Variants in COL3A1 observed in about 807,000 individuals in gnomAD.
The protein encoded by COL3A1 is collagen alpha-1(III) chain.
Under a neutral mutation model 200.9 loss-of-function variants are expected in COL3A1, and 46 were observed. That is an observed-to-expected ratio of 0.23 (90% confidence interval 0.18 to 0.29). COL3A1 has a LOEUF of 0.29. Ranked by LOEUF, COL3A1 falls within the 10% of genes least tolerant of loss-of-function variation. The pLI is 1.00. For synonymous variants in COL3A1, 650 were observed against 628.0 expected, an observed-to-expected ratio of 1.03 and a Z score of -0.52; for missense variants, 1,367 against 1,917.6, an observed-to-expected ratio of 0.71 and a Z score of 5.36.
chr2:189,010,452 A>G, intron 49 of COL3A1, 87 bp downstream of exon 49: 1 of 1,541,634 alleles, frequency 6.5e-7, no homozygotes, highest in Admixed American at 1.7e-5. Flanking sequence ...CAAAGTTACT[A>G]GGTTGGTACA....
intron 10 of COL3A1, 66 bp downstream of exon 10, chr2:188,990,426 T>G: frequency 8.0e-7 from 1 of 1,256,790 alleles, no homozygotes; most frequent in South Asian, 1.2e-5. Context: ...CCTAACCAAT[T>G]TTACTGGACA....
chr2:189,010,091 T>G (rs1688686953), intron 48 of COL3A1, 87 bp from the exon 49 acceptor site: 1 of 1,292,012 alleles, frequency 7.7e-7, no homozygotes, highest in Admixed American at 1.7e-5. Context: ...GCAGTCAACA[T>G]TATGAATGCC....
chr2:188,995,672 A>G lies in COL3A1; in HGVS notation c.1510-20A>G. On this transcript the variant is annotated intron_variant, in intron 21 of 50. Transcript: ENST00000304636. ...AGTGAAGGCTATTTTAATTTTTTTA[A>G]AATTTCTTTCACTACTTAGGGTCCT... 6.5e-7 allele frequency: 1 copy of G among 1,533,458 alleles called. No individual in the cohort carries two copies. Among genetic ancestry groups the G allele is most frequent in the Non-Finnish European group, 8.8e-7 (1 of 1,131,768 alleles). 95.0% of individuals were successfully genotyped at this position (1,533,458 alleles called of 1,614,324 possible).
At chr2:188,984,437 C>T (rs982396991) in intron 1 of COL3A1, among the ~76,000 whole-genome samples, 2 of 151,916 alleles carry the variant, frequency 1.3e-5, no homozygotes, top group African/African-American at 4.8e-5. Flanking sequence ...TTCAATGTTC[C>T]TTTAATAAAT....
At position 188,977,153 on chromosome 2, in the gene COL3A1, C is replaced by G. The variant is rs899175416; in HGVS notation, c.79+2585C>G. 5.3e-5 allele frequency among the ~76,000 whole-genome samples: 8 copies of G among 152,082 alleles called. 1 individual carries two copies. The highest frequency in any genetic ancestry group is 4.6e-4 in the Admixed American group (7 of 15,266). On this transcript the variant is annotated intron_variant, in intron 1 of 50. Coordinates refer to ENST00000304636, the MANE Select transcript of COL3A1 (RefSeq NM_000090.4). ...TATTGTTTAAATACATTTTTCATGT[C>G]TCTGATGTAGTCCTTATTTGACATA...
At chr2:188,983,475 C>T (rs572762281) in intron 1 of COL3A1, among the ~76,000 whole-genome samples, 49 of 151,986 alleles carry the variant, frequency 3.2e-4, no homozygotes, top group South Asian at 1.2e-3. Flanking sequence ...AACATTTCAA[C>T]TCATTTAAAC....
intron 41 of COL3A1, 34 bp downstream of exon 41, chr2:189,005,491 G>A (rs1688565822): frequency 6.4e-7 from 1 of 1,557,016 alleles, no homozygotes. Context: ...CAGCCAGGTA[G>A]AATTTGATAA....
intron 29 of COL3A1, 136 bp from the exon 30 acceptor site, chr2:188,999,149 T>G (rs1257003441): frequency 1.2e-6 from 1 of 858,102 alleles, no homozygotes; most frequent in Middle Eastern, 3.4e-4. Context: ...GCTGTTCAAC[T>G]ATTTTTAAGT....
At chr2:188,977,998 C>A in intron 1 of COL3A1, 2 of 348,460 alleles carry the variant, frequency 5.7e-6, no homozygotes, top group Non-Finnish European at 1.1e-5. Context: ...ATCCATGATA[C>A]CTTGTATTTA....
At chr2:189,000,238 C>T (rs1688426773) in intron 32 of COL3A1, among the ~76,000 whole-genome samples, 1 of 152,116 alleles carries the variant, frequency 6.6e-6, no homozygotes, top group South Asian at 2.1e-4. Context: ...GTAAGTACTC[C>T]TCATTAATAG....
intron 25 of COL3A1, 50 bp from the exon 26 acceptor site, chr2:188,997,284 TTC>T (rs1688349083): frequency 1.9e-6 from 3 of 1,612,804 alleles, no homozygotes; most frequent in African/African-American, 1.3e-5. Flanking sequence ...ACCTTCTGAC[TTC>T]TCTCTGTAAT....
At chr2:188,985,534 G>C (rs948352129) in intron 3 of COL3A1, 131 bp from the exon 4 acceptor site, 2 of 683,486 alleles carry the variant, frequency 2.9e-6, no homozygotes. Flanking sequence ...TGATTAAAAA[G>C]TATGTGTTAT....
rs766242305 is a variant in COL3A1, at chr2:189,011,617, C to A, written c.4255-11C>A. The A allele has an allele frequency of 3.7e-6, 6 of 1,613,728 alleles. No homozygotes were observed. Among genetic ancestry groups the A allele is most frequent in the Non-Finnish European group, 5.1e-6 (6 of 1,179,782 alleles). On this transcript the variant is annotated splice_polypyrimidine_tract_variant and intron_variant, in intron 50 of 50. Transcript: ENST00000304636. ...ATGTCATGATCATGTACATTTTGTC[C>A]TTTTTTACAGAAACACACTGGGGAA...
At chr2:189,003,496 A>C in intron 37 of COL3A1, 32 bp downstream of exon 37, 1 of 1,596,468 alleles carries the variant, frequency 6.3e-7, no homozygotes, top group Non-Finnish European at 8.6e-7. Context: ...TATTATTGAA[A>C]AGCATTAATT....
chr2:188,998,597 T>C lies in COL3A1; in HGVS notation c.1978-77T>C, dbSNP rs1688382255. 9 of 1,412,880 alleles carry C rather than the reference T, an allele frequency of 6.4e-6. No homozygotes were observed. The Admixed American group carries it at 1.4e-4, about 22-fold the overall frequency. The allele number at this position is 1,412,880 out of a possible 1,614,324, so 87.5% of individuals were successfully genotyped here. A position where few individuals can be genotyped will look rare whatever the true frequency, so the allele number is the denominator to read the frequency against. On this transcript the variant is annotated intron_variant, in intron 28 of 50. Transcript: ENST00000304636. Reference sequence around the variant, plus strand: ...ATTTTGCTTATATTTACATATTTGCTTATATTTACATATTTGCTTATATTT... The same window carrying C: ...ATTTTGCTTATATTTACATATTTGCCTATATTTACATATTTGCTTATATTT...
chr2:189,012,015 A>G lies in COL3A1; in HGVS notation c.*241A>G. ...CCAATTCCAATTTCAAAATGTCTCAATGGTGCTATAATAAATAAACTTCAA... is the reference window on the plus strand; with the variant it reads ...CCAATTCCAATTTCAAAATGTCTCAGTGGTGCTATAATAAATAAACTTCAA... On this transcript the variant is annotated 3_prime_UTR_variant, in exon 51 of 51. Coordinates refer to ENST00000304636, the MANE Select transcript of COL3A1 (RefSeq NM_000090.4). 1.9e-6 allele frequency: 1 copy of G among 525,700 alleles called. No homozygotes were observed. Among genetic ancestry groups the G allele is most frequent in the Non-Finnish European group, 3.4e-6 (1 of 293,548 alleles). The allele number at this position is 525,700 out of a possible 1,614,324, so 32.6% of individuals were successfully genotyped here. A position where few individuals can be genotyped will look rare whatever the true frequency, so the allele number is the denominator to read the frequency against.
intron 14 of COL3A1, 152 bp downstream of exon 14, chr2:188,992,380 T>C: frequency 1.4e-6 from 1 of 728,800 alleles, no homozygotes; most frequent in Non-Finnish European, 2.2e-6. Context: ...GTTGACCATT[T>C]TTACAATTTA....
chr2:189,002,284 A>C lies in COL3A1; in HGVS notation c.2392-14A>C, dbSNP rs1282366806. On this transcript the variant is annotated splice_polypyrimidine_tract_variant and intron_variant, in intron 34 of 50. Coordinates refer to ENST00000304636, the MANE Select transcript of COL3A1 (RefSeq NM_000090.4). ...ACACTTCACTGTGACTAAGGAGGAT[A>C]TTTTTCTCTTCAGGGTGAGAGAGGT... is the stretch of plus-strand genomic sequence containing the variant. 6.2e-7 allele frequency: 1 copy of C among 1,611,890 alleles called. No individual in the cohort carries two copies. Among genetic ancestry groups the C allele is most frequent in the Admixed American group, 1.7e-5 (1 of 60,010 alleles).
At chr2:188,990,443 T>G in intron 10 of COL3A1, 83 bp downstream of exon 10, 1 of 1,048,208 alleles carries the variant, frequency 9.5e-7, no homozygotes, top group Non-Finnish European at 1.5e-6. Flanking sequence ...GACAATTATG[T>G]GCCAAAAAAT....
Sources: allele counts gnomAD v4.1 joint callset (sites outside exome capture counted in the v4.1 genomes callset), GRCh38; gene constraint gnomAD v4.1.1; transcripts MANE v1.5; gene names NCBI Gene and HGNC (gene_info 2026-07-23, HGNC 2026-07-21).